GPR89B: variants seen among roughly 807,000 people sequenced by gnomAD.
The protein encoded by GPR89B is golgi pH regulator B.
In GPR89B, 25 loss-of-function variants were observed where a neutral mutation model predicts 52.4. The ratio of observed to expected loss-of-function variants is 0.48; its 90% CI spans 0.35 to 0.67. The LOEUF (loss-of-function observed/expected upper bound fraction) is 0.67. Among genes scored for constraint, GPR89B ranks in the 30% least tolerant of loss-of-function variants. The probability of loss-of-function intolerance (pLI) is 0.01; values close to 1 mark genes in which losing one functional copy is unlikely to be tolerated. For missense variants in GPR89B, 146 were observed against 450.2 expected (o/e 0.32, Z 6.11); for synonymous variants, 52 against 151.2 (o/e 0.34, Z 4.81).
intron 10 of GPR89B, among the ~76,000 whole-genome samples, chr1:147,976,105 G>T (rs1293973178): frequency 6.6e-6 from 1 of 152,236 alleles, no homozygotes; most frequent in East Asian, 1.9e-4. Flanking sequence ...GTGCCATGTG[G>T]CACCAAGAAG....
chr1:147,936,765 T>C, intron 2 of GPR89B, 79 bp downstream of exon 2: 3 of 1,162,514 alleles, frequency 2.6e-6, no homozygotes, highest in Middle Eastern at 2.0e-4. Context: ...AAAGAAACAT[T>C]ATGTTCATTT....
intron 1 of GPR89B, among the ~76,000 whole-genome samples, chr1:147,932,736 A>G (rs1653753381): frequency 6.6e-6 from 1 of 152,160 alleles, no homozygotes; most frequent in African/African-American, 2.4e-5. Flanking sequence ...CATTTCAGAA[A>G]ACGGGGTTCC....
chr1:147,983,520 A>G (rs1228151038), intron 10 of GPR89B, among the ~76,000 whole-genome samples: 1 of 152,230 alleles, frequency 6.6e-6, no homozygotes, highest in East Asian at 1.9e-4. Flanking sequence ...GGCGAAGGAC[A>G]TGAACAGACA....
chr1:147,946,551 C>T (rs1299555207), intron 5 of GPR89B, among the ~76,000 whole-genome samples: 1 of 152,060 alleles, frequency 6.6e-6, no homozygotes, highest in Non-Finnish European at 1.5e-5. Flanking sequence ...CAGACAGACA[C>T]ATTTATCTGT....
the GPR89B span, among the ~76,000 whole-genome samples, chr1:148,002,414 T>C: frequency 6.6e-6 from 1 of 152,152 alleles, no homozygotes; most frequent in African/African-American, 2.4e-5. Flanking sequence ...CCTTCCCCAG[T>C]CCTTCTGTCT....
intron 5 of GPR89B, among the ~76,000 whole-genome samples, chr1:147,949,645 G>A (rs1359216890): frequency 1.5e-4 from 20 of 136,866 alleles, no homozygotes; most frequent in South Asian, 2.3e-4. Context: ...CCTCCCTCCC[G>A]GATGGGGCGG....
the GPR89B span, among the ~76,000 whole-genome samples, chr1:148,018,688 CAG>C: frequency 1.3e-5 from 2 of 151,450 alleles, no homozygotes; most frequent in African/African-American, 4.9e-5. Context: ...TTATTTGAGA[CAG>C]AGTTTCACTC....
chr1:147,968,255 T>C, intron 8 of GPR89B: 1 of 453,878 alleles, frequency 2.2e-6, no homozygotes, highest in South Asian at 1.6e-5. Context: ...GAGCAGGCTT[T>C]GGAGGAAAAG....
intron 12 of GPR89B, among the ~76,000 whole-genome samples, chr1:147,990,935 C>T (rs1257789951): frequency 1.3e-5 from 2 of 151,714 alleles, no homozygotes; most frequent in Non-Finnish European, 2.9e-5. Flanking sequence ...AATGCGGGCT[C>T]TTTTTGGTTC....
intron 10 of GPR89B, among the ~76,000 whole-genome samples, chr1:147,970,805 T>A (rs1157221110): frequency 1.3e-5 from 2 of 149,692 alleles, no homozygotes; most frequent in African/African-American, 2.5e-5. Flanking sequence ...TTTCTCATAA[T>A]ATTTTTTATG....
chr1:148,019,398 G>A, the GPR89B span, among the ~76,000 whole-genome samples: 1 of 151,154 alleles, frequency 6.6e-6, no homozygotes, highest in Non-Finnish European at 1.5e-5. Flanking sequence ...AGGGGGCAAG[G>A]ACAACAGACA....
chr1:148,022,973 A>G, the GPR89B span, among the ~76,000 whole-genome samples: 1 of 151,740 alleles, frequency 6.6e-6, no homozygotes, highest in Non-Finnish European at 1.5e-5. Flanking sequence ...TTCTTGTTAA[A>G]ATCTCAGTTT....
At chr1:147,970,353 G>A (rs1657323883) in intron 10 of GPR89B, among the ~76,000 whole-genome samples, 1 of 151,932 alleles carries the variant, frequency 6.6e-6, no homozygotes, top group East Asian at 1.9e-4. Flanking sequence ...AAAATTAGCT[G>A]GGTGTGGTGG....
At chr1:147,951,947 C>CA (rs1216105005) in intron 5 of GPR89B, among the ~76,000 whole-genome samples, 6 of 151,936 alleles carry the variant, frequency 3.9e-5, no homozygotes, top group African/African-American at 1.2e-4. Context: ...GCCCATAAAA[C>CA]AAAGATTGGA....
At chr1:147,948,932 G>T (rs1655252016) in intron 5 of GPR89B, among the ~76,000 whole-genome samples, 1 of 151,926 alleles carries the variant, frequency 6.6e-6, no homozygotes, top group South Asian at 2.1e-4. Flanking sequence ...TGTGTCCCTG[G>T]GTCCTTGAGA....
At chr1:147,984,969 C>G (rs1219612721) in intron 10 of GPR89B, among the ~76,000 whole-genome samples, 4 of 152,112 alleles carry the variant, frequency 2.6e-5, no homozygotes, top group Non-Finnish European at 4.4e-5. Context: ...GTATTGTGCT[C>G]TTGTTGGCAG....
intron 5 of GPR89B, among the ~76,000 whole-genome samples, chr1:147,949,556 G>A (rs1205872192): frequency 2.3e-4 from 31 of 132,724 alleles, no homozygotes; most frequent in Admixed American, 4.9e-4. Flanking sequence ...CGGACGGGGC[G>A]GCTGGCCGGG....
rs1366216682 is a variant in GPR89B at position 147,986,078 on chromosome 1, C to T, written c.910-121C>T. 1.1e-4 allele frequency: 167 copies of T among 1,585,934 alleles called. 3 individuals are homozygous for T. The highest frequency in any genetic ancestry group is 1.1e-4 in the Non-Finnish European group (125 of 1,164,138). ...ATGATTTGGATTAAGAGTAGAATTG[C>T]ATTTTTAGGAACATTGACCTGTAAG... On this transcript the variant is annotated intron_variant, in intron 10 of 13. Coordinates refer to ENST00000314163, the MANE Select transcript of GPR89B (RefSeq NM_016334.5).
chr1:147,938,110 C>T (rs1249395392), intron 2 of GPR89B, among the ~76,000 whole-genome samples: 1 of 152,080 alleles, frequency 6.6e-6, no homozygotes, highest in African/African-American at 2.4e-5. Flanking sequence ...TCCCGCAACA[C>T]AAGGCTGGTG....
Sources: gnomAD v4.1 joint callset for allele counts (sites outside exome capture counted in the v4.1 genomes callset) on GRCh38, gnomAD v4.1.1 for gene constraint, MANE v1.5 for transcripts, NCBI Gene and HGNC (gene_info 2026-07-23, HGNC 2026-07-21) for gene names.